Variants in SRRT observed in about 807,000 individuals in gnomAD.
The protein encoded by SRRT is serrate RNA effector molecule homolog.
Under a neutral mutation model 103.2 loss-of-function variants are expected in SRRT, and 32 were observed. That is an observed-to-expected ratio of 0.31 (90% CI 0.23 to 0.42). SRRT has a LOEUF of 0.42. Ranked by LOEUF, SRRT falls within the 10% of genes least tolerant of loss-of-function variation. SRRT has a pLI of 1.00. For missense variants in SRRT, 986 were observed against 1,207.5 expected, an observed-to-expected ratio of 0.82 and a Z score of 2.72; for synonymous variants, 525 against 449.0, an observed-to-expected ratio of 1.17 and a Z score of -2.14.
Position 100,884,145 on chromosome 7 carries a change from G to T in SRRT, c.663G>T (p.Leu221=). The stretch of plus-strand genomic sequence containing the variant: ...CCCGGGGGGCCCTGCAAAACCGACT[G>T]AGGGTCTTCCTGTCCCTCATGGAGA... ...QEARGALQNR[L]RVFLSLMETG... The change falls in exon 6 of 20, where the codon CTG becomes CTT. Residue 221 remains leucine, a synonymous_variant. Coordinates refer to ENST00000611405, the MANE Select transcript of SRRT (RefSeq NM_015908.6). The T allele has an allele frequency of 6.2e-7, 1 of 1,614,048 alleles. No homozygotes were observed. Among genetic ancestry groups the T allele is most frequent in the Non-Finnish European group, 8.5e-7 (1 of 1,179,986 alleles).
intron 2 of SRRT, among the ~76,000 whole-genome samples, chr7:100,876,995 G>A (rs1394732774): frequency 1.3e-5 from 2 of 152,100 alleles, no homozygotes; most frequent in Admixed American, 6.6e-5. Flanking sequence ...ACCATAGGGG[G>A]TCTCCGAGGC....
rs762535359 is a variant in SRRT, at chr7:100,875,570, C to T, written c.-18-3C>T. The T allele has an allele frequency of 6.2e-7, 1 of 1,613,664 alleles. No individual in the cohort carries two copies. The highest frequency in any genetic ancestry group is 2.2e-5 in the East Asian group (1 of 44,880). On this transcript the variant is annotated splice_region_variant and splice_polypyrimidine_tract_variant and intron_variant, in intron 1 of 19. Coordinates refer to ENST00000611405, the MANE Select transcript of SRRT (RefSeq NM_015908.6). ...ACTCCTACCGCCTCTCCCCGGTCCCCAGGCCCCCTCAGACCGTGCCATGGG... is the reference window on the plus strand; with the variant it reads ...ACTCCTACCGCCTCTCCCCGGTCCCTAGGCCCCCTCAGACCGTGCCATGGG...
intron 2 of SRRT, among the ~76,000 whole-genome samples, chr7:100,876,100 T>C (rs1251911496): frequency 6.6e-6 from 1 of 152,128 alleles, no homozygotes; most frequent in African/African-American, 2.4e-5. Flanking sequence ...CCTCAGCCTC[T>C]TGAGAAGCTG....
In SRRT at chr7:100,886,233, T is replaced by C; in HGVS notation, c.1459-14T>C. 1.2e-6 allele frequency: 2 copies of C among 1,607,208 alleles called. No homozygotes were observed. The highest frequency in any genetic ancestry group is 1.7e-6 in the Non-Finnish European group (2 of 1,176,766). On this transcript the variant is annotated splice_polypyrimidine_tract_variant and intron_variant, in intron 12 of 19. Coordinates refer to ENST00000611405, the MANE Select transcript of SRRT (RefSeq NM_015908.6). Reference sequence around the variant, plus strand: ...GGTAAGTGGGGTAAGCTGCTGATGATGTCTGCCCTCCAGCTCCGGGAGTGT... The same window carrying C: ...GGTAAGTGGGGTAAGCTGCTGATGACGTCTGCCCTCCAGCTCCGGGAGTGT...
intron 6 of SRRT, 58 bp from the exon 7 acceptor site, chr7:100,884,310 A>G: frequency 6.2e-7 from 1 of 1,609,372 alleles, no homozygotes. Context: ...ATCAGGTAGA[A>G]GCCGGTTGAC....
rs760090471 is a variant in SRRT, at chr7:100,886,950, G to A, written c.1803G>A (p.Arg601=). The change falls in exon 14 of 20, where the codon CGG becomes CGA. Residue 601 remains arginine, a synonymous_variant. Coordinates refer to ENST00000611405, the MANE Select transcript of SRRT (RefSeq NM_015908.6). ...EGNPAEINVE[R]DEKLIKVLDK... is the part of the protein sequence containing the mutation. Reference sequence around the variant, plus strand: ...ACCCGGCAGAGATCAACGTGGAGCGGGATGAGAAGTTGATTAAGGTGCCAG... The same window carrying A: ...ACCCGGCAGAGATCAACGTGGAGCGAGATGAGAAGTTGATTAAGGTGCCAG... 16 of 1,611,312 alleles carry A rather than the reference G, an allele frequency of 9.9e-6. No individual in the cohort carries two copies. The East Asian group carries it at 2.2e-4, about 22-fold the overall frequency.
rs768556001 is a variant in SRRT, at chr7:100,887,564, A to G, written c.2169+51A>G. On this transcript the variant is annotated intron_variant, in intron 16 of 19. Coordinates refer to ENST00000611405, the MANE Select transcript of SRRT (RefSeq NM_015908.6). This position sits in a 1 kb window ranked among gnomAD's most constrained non-coding sequence, Gnocchi z 4.1. ...GCTACGGTGGTGGGAGGTGGGGTTGAGACAGGAAGCCCCCTGGGCAGGGGT... is the reference window on the plus strand; with the variant it reads ...GCTACGGTGGTGGGAGGTGGGGTTGGGACAGGAAGCCCCCTGGGCAGGGGT... 4.4e-6 allele frequency: 7 copies of G among 1,597,198 alleles called. No homozygotes were observed. The East Asian group carries it at 1.6e-4, about 36-fold the overall frequency.
chr7:100,887,234 C>T lies in SRRT; in HGVS notation c.1975+34C>T. The T allele has an allele frequency of 6.2e-7, 1 of 1,613,362 alleles. No homozygotes were observed. Among genetic ancestry groups the T allele is most frequent in the Non-Finnish European group, 8.5e-7 (1 of 1,179,432 alleles). Reference sequence around the variant, plus strand: ...CAGGTTCCCCTTTGTTCCCGGCTGCCCCTGGCCTTGGTCCTCCAGCCCCTT... The same window carrying T: ...CAGGTTCCCCTTTGTTCCCGGCTGCTCCTGGCCTTGGTCCTCCAGCCCCTT... On this transcript the variant is annotated intron_variant, in intron 15 of 19. Coordinates refer to ENST00000611405, the MANE Select transcript of SRRT (RefSeq NM_015908.6). The surrounding 1 kb of genome is among the most constrained non-coding windows in gnomAD (Gnocchi z 4.1).
chr7:100,888,001 C>G (rs1174543525), intron 17 of SRRT, 41 bp from the exon 18 acceptor site: 1 of 1,524,258 alleles, frequency 6.6e-7, no homozygotes, highest in East Asian at 2.3e-5. Flanking sequence ...CCCGTATCCC[C>G]CTCCCCGCCC....
At position 100,886,384 on chromosome 7, in the gene SRRT, T is replaced by C. The variant is rs2115879414; in HGVS notation, c.1596T>C (p.Asp532=). 1 of 1,613,800 alleles carries C rather than the reference T, an allele frequency of 6.2e-7. No individual in the cohort carries two copies. The highest frequency in any genetic ancestry group is 1.7e-5 in the Admixed American group (1 of 60,028). Residue 532 remains aspartate (D), a synonymous_variant, in exon 13 of 20, where the codon GAT becomes GAC. Coordinates refer to ENST00000611405, the MANE Select transcript of SRRT (RefSeq NM_015908.6). ...KLAAKLIHTL[D]DRTQLWASEP... is the part of the protein sequence containing the mutation. ...CGGCCAAGCTGATCCACACGCTGGA[T>C]GACAGGACACAGCTTTGGGCCTCAG...
intron 2 of SRRT, among the ~76,000 whole-genome samples, chr7:100,876,567 C>CA (rs1437053723): frequency 4.6e-5 from 7 of 152,152 alleles, no homozygotes; most frequent in Admixed American, 1.3e-4. Flanking sequence ...GAGAGGTCGT[C>CA]AGATTATTTC....
chr7:100,886,454 G>A lies in SRRT; in HGVS notation c.1647+19G>A, dbSNP rs752371864. On this transcript the variant is annotated intron_variant, in intron 13 of 19. Coordinates refer to ENST00000611405, the MANE Select transcript of SRRT (RefSeq NM_015908.6). ...GCCCACGGTCAGTGACTCCCCAAAGGACTTTGTCAGAAGCAACTGGTAGTG... is the reference window on the plus strand; with the variant it reads ...GCCCACGGTCAGTGACTCCCCAAAGAACTTTGTCAGAAGCAACTGGTAGTG... The A allele has an allele frequency of 7.5e-6, 12 of 1,597,468 alleles. No individual in the cohort carries two copies. In the Admixed American group the frequency reaches 2.1e-4, roughly 27 times the overall value.
chr7:100,881,168 G>A (rs1584740948), intron 2 of SRRT, 117 bp from the exon 3 acceptor site: 3 of 1,130,182 alleles, frequency 2.7e-6, no homozygotes, highest in East Asian at 2.4e-5. Context: ...TATTGCCCAG[G>A]TTGGTCTCGA....
In SRRT at chr7:100,885,329, C is replaced by T; in HGVS notation, c.1276C>T (p.Arg426Cys). 2 of 1,614,074 alleles carry T rather than the reference C, an allele frequency of 1.2e-6. No homozygotes were observed. Among genetic ancestry groups the T allele is most frequent in the Non-Finnish European group, 8.5e-7 (1 of 1,179,972 alleles). ...PLHKTCSLFM[R>C]NIAPNISRAE... ...GCATAAGACCTGCTCCCTCTTCATG[C>T]GCAACATCGCGCCCAACATCTCCCG... is the stretch of plus-strand genomic sequence containing the variant. Residue 426 changes from arginine to cysteine, a missense_variant, in exon 10 of 20, where the codon CGC becomes TGC. By Grantham distance (180) the Arg-to-Cys change is radical. Transcript: ENST00000611405. The surrounding 1 kb of genome is among the most constrained non-coding windows in gnomAD (Gnocchi z 4.8).
rs750394093 is a variant in SRRT, at chr7:100,886,327, C to G, written c.1539C>G (p.His513Gln). Residue 513 changes from histidine to glutamine, a missense_variant, in exon 13 of 20, where the codon CAC (histidine) becomes CAG (glutamine). Coordinates refer to ENST00000611405, the MANE Select transcript of SRRT (RefSeq NM_015908.6). ...RVRNINGITQ[H>Q]KQIVRNDIKL... ...GCAACATCAACGGCATCACCCAGCA[C>G]AAGCAGATTGTGCGCAACGACATCA... The G allele has an allele frequency of 6.2e-7, 1 of 1,613,836 alleles. No individual in the cohort carries two copies. The highest frequency in any genetic ancestry group is 8.5e-7 in the Non-Finnish European group (1 of 1,180,020).
chr7:100,875,706 A>G lies in SRRT; in HGVS notation c.116A>G (p.Asn39Ser). ...RDERRRGDDW[N>S]DREWDRGRER... Reference sequence around the variant, plus strand: ...GAAAGACGTCGAGGGGACGATTGGAATGACAGGTGAGCCGTTTTTAACTTC... The same window carrying G: ...GAAAGACGTCGAGGGGACGATTGGAGTGACAGGTGAGCCGTTTTTAACTTC... Residue 39 changes from asparagine to serine, a missense_variant, in exon 2 of 20, where the codon AAT becomes AGT. Coordinates refer to ENST00000611405, the MANE Select transcript of SRRT (RefSeq NM_015908.6). 2 of 1,613,854 alleles carry G rather than the reference A, an allele frequency of 1.2e-6. No homozygotes were observed. The highest frequency in any genetic ancestry group is 1.7e-6 in the Non-Finnish European group (2 of 1,179,830).
Position 100,882,184 on chromosome 7 carries a change from T to A in SRRT, c.530T>A (p.Leu177Gln). ...GTCAAGCGCTATAATGACTACAAGC[T>A]GGATTTCCGGAGGCAACAGATGCAG... Reference protein sequence around the residue: ...EAVKRYNDYKLDFRRQQMQDF... With the variant: ...EAVKRYNDYKQDFRRQQMQDF... Residue 177 changes from leucine to glutamine, a missense_variant, in exon 5 of 20, where the codon CTG becomes CAG. Around this residue, in one of 6 missense-constraint regions of SRRT, gnomAD observed 274 missense variants for 358.5 expected, o/e 0.76. Coordinates refer to ENST00000611405, the MANE Select transcript of SRRT (RefSeq NM_015908.6). The surrounding 1 kb of genome is among the most constrained non-coding windows in gnomAD (Gnocchi z 4.2). 6.2e-7 allele frequency: 1 copy of A among 1,614,158 alleles called. No homozygotes were observed. The highest frequency in any genetic ancestry group is 8.5e-7 in the Non-Finnish European group (1 of 1,180,022).
Position 100,875,225 on chromosome 7 carries a change from C to G in SRRT, c.-122C>G. 1 of 298,224 alleles carries G rather than the reference C, an allele frequency of 3.4e-6. No homozygotes were observed. The highest frequency in any genetic ancestry group is 6.0e-6 in the Non-Finnish European group (1 of 167,250). 18.5% of individuals were successfully genotyped at this position (298,224 alleles called of 1,614,324 possible). A position where few individuals can be genotyped will look rare whatever the true frequency, so the allele number is the denominator to read the frequency against. ...TCGGCCCTCTACTCAAGAGCTCCGT[C>G]TCCGTCTCGCCCTCCTCGAAGTCCT... is the stretch of plus-strand genomic sequence containing the variant. On this transcript the variant is annotated 5_prime_UTR_variant, in exon 1 of 20. Transcript: ENST00000611405.
intron 2 of SRRT, 134 bp from the exon 3 acceptor site, chr7:100,881,151 G>GC (rs1816277031): frequency 1.2e-6 from 1 of 830,646 alleles, no homozygotes; most frequent in Admixed American, 2.6e-5. Flanking sequence ...GCGGGGGGGG[G>GC]TCTCACTATT....
Sources: gnomAD v4.1 joint callset for allele counts (sites outside exome capture counted in the v4.1 genomes callset) on GRCh38, gnomAD v4.1.1 for gene constraint, gnomAD v4.1.1 regional missense constraint, Gnocchi (gnomAD v3.1) non-coding constraint, MANE v1.5 for transcripts, NCBI Gene and HGNC (gene_info 2026-07-23, HGNC 2026-07-21) for gene names.